Variants in PIGL observed in about 807,000 individuals in gnomAD.
PIGL encodes N-acetylglucosaminyl-phosphatidylinositol de-N-acetylase.
Under a neutral mutation model 31.1 loss-of-function variants are expected in PIGL, and 22 were observed. That is an observed-to-expected ratio of 0.71 (90% CI 0.51 to 1.01). PIGL has a LOEUF of 1.01. Ranked by LOEUF, PIGL falls within the 50% of genes least tolerant of loss-of-function variation. The pLI is 0.00. For missense variants in PIGL, 302 were observed against 315.9 expected (o/e 0.96, Z 0.33); for synonymous variants, 131 against 117.4 (o/e 1.12, Z -0.75).
chr17:16,317,800 TG>T lies in PIGL; in HGVS notation c.553del (p.Val185Ter). On this transcript the variant is annotated frameshift_variant, in exon 6 of 7. Coordinates refer to ENST00000225609, the MANE Select transcript of PIGL (RefSeq NM_004278.4). LOFTEE classifies it high-confidence loss of function. The stretch of plus-strand genomic sequence containing the variant: ...GGTGCTCTGTGCTCACGCTTCAGTC[TG>T]TGAATGTGCTGCGCAAGTACATCTC... ...KGCSVLTLQSVNVLRKYISLL... is the reference protein window; with the variant it reads ...KGCSVLTLQSXNVLRKYISLL... 1 of 1,614,102 alleles carries T rather than the reference TG, an allele frequency of 6.2e-7. No individual in the cohort carries two copies. Among genetic ancestry groups the T allele is most frequent in the Non-Finnish European group, 8.5e-7 (1 of 1,180,034 alleles).
chr17:16,320,344 GGGAAGGAAGAA>G (rs1322236717), intron 6 of PIGL, among the ~76,000 whole-genome samples: 1 of 137,276 alleles, frequency 7.3e-6, no homozygotes, highest in Non-Finnish European at 1.6e-5. Context: ...AGGAAGGGAA[GGGAAGGAAGAA>G]GGAAGGAAGA....
intron 2 of PIGL, among the ~76,000 whole-genome samples, chr17:16,275,617 G>A (rs999087012): frequency 3.3e-5 from 5 of 152,168 alleles, no homozygotes; most frequent in African/African-American, 1.2e-4. Flanking sequence ...CCTAAGGGCT[G>A]TAGAGGGATG....
intron 2 of PIGL, among the ~76,000 whole-genome samples, chr17:16,262,400 A>G (rs1414782180): frequency 2.0e-5 from 3 of 152,208 alleles, no homozygotes; most frequent in Admixed American, 6.5e-5. Context: ...ACCTACATAA[A>G]TTTTTTAAAG....
intron 2 of PIGL, among the ~76,000 whole-genome samples, chr17:16,297,100 T>G (rs577114347): frequency 7.9e-5 from 12 of 152,182 alleles, no homozygotes; most frequent in Non-Finnish European, 1.6e-4. Context: ...TGAATCAAAA[T>G]AGGAGATAGA....
At chr17:16,325,245 T>G (rs2093122143) in intron 6 of PIGL, among the ~76,000 whole-genome samples, 1 of 144,204 alleles carries the variant, frequency 6.9e-6, no homozygotes, top group African/African-American at 2.6e-5. Context: ...CTCGGAAGGC[T>G]GAAGCAGGAG....
intron 6 of PIGL, among the ~76,000 whole-genome samples, chr17:16,324,130 ATT>A (rs746216623): frequency 3.1e-5 from 4 of 129,622 alleles, no homozygotes; most frequent in Non-Finnish European, 5.0e-5. Context: ...CTAATTTTGG[ATT>A]TTTTTTTTTT....
chr17:16,218,458 T>G (rs1165809539), intron 1 of PIGL, among the ~76,000 whole-genome samples: 1 of 152,166 alleles, frequency 6.6e-6, no homozygotes, highest in Non-Finnish European at 1.5e-5. Flanking sequence ...CTATATTAAT[T>G]AGATCTAAAT....
intron 2 of PIGL, among the ~76,000 whole-genome samples, chr17:16,263,669 T>A (rs894844044): frequency 4.0e-5 from 6 of 150,388 alleles, no homozygotes; most frequent in African/African-American, 1.5e-4. Flanking sequence ...GACTACAGTG[T>A]GCACCACCAC....
At chr17:16,235,807 G>A (rs1010490093) in intron 2 of PIGL, among the ~76,000 whole-genome samples, 2 of 145,292 alleles carry the variant, frequency 1.4e-5, no homozygotes, top group East Asian at 3.9e-4. Flanking sequence ...TAACTTTTTG[G>A]GGGGCAAGAA....
Position 16,238,780 on chromosome 17 carries a change from G to A in PIGL, c.335+4710G>A, listed in dbSNP as rs565612728. On this transcript the variant is annotated intron_variant, in intron 2 of 6. Coordinates refer to ENST00000225609, the MANE Select transcript of PIGL (RefSeq NM_004278.4). ...AAAAATTAGCCAGATGTGGTGGTAC[G>A]TGCCTGTAATCCCAGCTACTCATGA... Among the ~76,000 whole-genome samples the A allele has an allele frequency of 1.8e-3, 274 of 150,298 alleles. 2 individuals are homozygous for A. The highest frequency in any genetic ancestry group is 6.3e-3 in the African/African-American group (257 of 40,984).
intron 2 of PIGL, among the ~76,000 whole-genome samples, chr17:16,267,390 A>C (rs991259133): frequency 6.6e-6 from 1 of 151,918 alleles, no homozygotes; most frequent in African/African-American, 2.4e-5. Context: ...GAGGTGGAGG[A>C]AGTGGATGGG....
intron 2 of PIGL, among the ~76,000 whole-genome samples, chr17:16,299,464 A>T (rs2092995684): frequency 1.3e-5 from 2 of 152,166 alleles, no homozygotes; most frequent in South Asian, 4.1e-4. Flanking sequence ...AAACAAAACA[A>T]AACAAAAAAA....
chr17:16,276,088 CT>C (rs1230886380), intron 2 of PIGL, among the ~76,000 whole-genome samples: 1 of 152,124 alleles, frequency 6.6e-6, no homozygotes, highest in African/African-American at 2.4e-5. Context: ...AAGGTGATAT[CT>C]GAAAGATTAA....
chr17:16,284,488 T>G (rs8065649), intron 2 of PIGL, among the ~76,000 whole-genome samples: 7,356 of 152,208 alleles, frequency 0.048, 220 homozygotes, highest in African/African-American at 0.09. Context: ...AAATTAAACA[T>G]TATATTTTAG....
chr17:16,291,530 A>G (rs1185734859), intron 2 of PIGL, among the ~76,000 whole-genome samples: 1 of 148,778 alleles, frequency 6.7e-6, no homozygotes, highest in Non-Finnish European at 1.5e-5. Flanking sequence ...AAAAAGAAAG[A>G]AAGAAATTAT....
At chr17:16,311,269 T>C (rs1249234684) in intron 3 of PIGL, among the ~76,000 whole-genome samples, 1 of 146,868 alleles carries the variant, frequency 6.8e-6, no homozygotes, top group Non-Finnish European at 1.5e-5. Context: ...CTTATTATTA[T>C]TATTATTCAA....
chr17:16,317,044 A>C, intron 5 of PIGL: 2 of 1,118,796 alleles, frequency 1.8e-6, no homozygotes, highest in East Asian at 5.2e-5. Context: ...CAGGTTGTAA[A>C]TGACTGCTGG....
chr17:16,298,446 T>G (rs1208923807), intron 2 of PIGL, among the ~76,000 whole-genome samples: 1 of 152,126 alleles, frequency 6.6e-6, no homozygotes, highest in Non-Finnish European at 1.5e-5. Context: ...GGCCTTAGTC[T>G]CATATCAGGT....
At chr17:16,319,741 C>T (rs1449324196) in intron 6 of PIGL, among the ~76,000 whole-genome samples, 9 of 146,118 alleles carry the variant, frequency 6.2e-5, no homozygotes, top group African/African-American at 1.5e-4. Flanking sequence ...GGTGACAGAG[C>T]GAGACTCCGT....
Sources: gnomAD v4.1 joint callset for allele counts (sites outside exome capture counted in the v4.1 genomes callset) on GRCh38, gnomAD v4.1.1 for gene constraint, MANE v1.5 for transcripts, NCBI Gene and HGNC (gene_info 2026-07-23, HGNC 2026-07-21) for gene names.